Variants in PHF8 observed in about 807,000 individuals in gnomAD.
The protein encoded by PHF8 is histone lysine demethylase PHF8.
Under a neutral mutation model 74.4 loss-of-function variants are expected in PHF8, and 9 were observed. That is an observed-to-expected ratio of 0.12 (90% confidence interval 0.07 to 0.21). PHF8 has a LOEUF of 0.21. Among genes scored for constraint, PHF8 ranks in the 10% least tolerant of loss-of-function variants. PHF8 has a pLI of 1.00. For synonymous variants in PHF8, 311 were observed against 316.6 expected (o/e 0.98, Z 0.19); for missense variants, 478 against 816.6 (o/e 0.59, Z 5.05).
chrX:53,977,791 C>T (rs1336041151), intron 18 of PHF8, among the ~76,000 whole-genome samples: 3 of 108,002 alleles, frequency 2.8e-5, no homozygotes, highest in South Asian at 4.2e-4. Context: ...GGACTACAGG[C>T]GCCCGACACC....
rs782755270 is a variant in PHF8, at chrX:53,996,430, A to AT, written c.1234-649dup. On this transcript the variant is annotated intron_variant, in intron 11 of 21. Coordinates refer to ENST00000338154, the MANE Select transcript of PHF8 (RefSeq NM_015107.3). ...CACCCAGCCTATGATATTTTTTGTA[A>AT]TTTTTTTTTTTTTTTTAGCTCATCA... Among the ~76,000 whole-genome samples the AT allele has an allele frequency of 4.4e-3, 425 of 96,626 alleles. 2 individuals carry two copies. The highest frequency in any genetic ancestry group is 0.011 in the African/African-American group (294 of 26,779). 83.9% of individuals were successfully genotyped at this position (96,626 alleles called of 115,157 possible). A position where few individuals can be genotyped will look rare whatever the true frequency, so the allele number is the denominator to read the frequency against.
intron 4 of PHF8, 114 bp downstream of exon 4, chrX:54,022,145 C>G: frequency 1.8e-6 from 1 of 542,380 alleles, no homozygotes; most frequent in Non-Finnish European, 3.3e-6. Flanking sequence ...CCTGAAGATA[C>G]TCACAAACTG....
chrX:53,977,539 A>C (rs1221301213), intron 18 of PHF8, among the ~76,000 whole-genome samples: 1 of 111,668 alleles, frequency 9.0e-6, no homozygotes, highest in African/African-American at 3.3e-5. Context: ...AGGATGATTA[A>C]AATAACTATA....
At chrX:54,044,901 C>G, upstream of PHF8, 1 of 1,154,119 alleles carries the variant, frequency 8.7e-7, no homozygotes, top group South Asian at 1.9e-5. Flanking sequence ...TGAGCACCTT[C>G]GATAGGCTGG....
chrX:53,945,366 C>T (rs2064818321), intron 19 of PHF8, among the ~76,000 whole-genome samples: 1 of 105,538 alleles, frequency 9.5e-6, no homozygotes, highest in African/African-American at 3.4e-5. Context: ...AAAAATTATC[C>T]GGCCATGGTG....
At chrX:54,024,943 C>G (rs1318887084) in intron 2 of PHF8, among the ~76,000 whole-genome samples, 1 of 111,106 alleles carries the variant, frequency 9.0e-6, no homozygotes, top group Non-Finnish European at 1.9e-5. Flanking sequence ...GTGGCACGAT[C>G]TTGGCTCACT....
rs2065803281 is a variant in PHF8, at chrX:53,999,930, G to A, written c.1173C>T (p.Ser391=). The A allele has an allele frequency of 3.3e-6, 4 of 1,202,183 alleles. No homozygotes were observed. The East Asian group carries it at 1.2e-4, about 36-fold the overall frequency. The change falls in exon 11 of 22, where the codon TCC becomes TCT. Residue 391 remains serine (S), a synonymous_variant. Coordinates refer to ENST00000338154, the MANE Select transcript of PHF8 (RefSeq NM_015107.3). ...GLRENRRHPA[S]YLVHGGKALN... ...AGGCTTTGCCACCATGGACCAGGTA[G>A]GAGGCAGGGTGTCTCCTGTTCTCTC... is the stretch of plus-strand genomic sequence containing the variant.
rs781994172 is a variant in PHF8, at chrX:53,939,109, T to C, written c.*49A>G. On this transcript the variant is annotated 3_prime_UTR_variant, in exon 22 of 22. Transcript: ENST00000338154. ...CCAGGAGTGCCCCAAGAGTTGACAA[T>C]GGAGAAGGCAATGGGGGTAAAGGGG... The C allele has an allele frequency of 1.3e-5, 15 of 1,199,787 alleles. No homozygotes were observed. The highest frequency in any genetic ancestry group is 1.8e-5 in the African/African-American group (1 of 57,067).
Position 53,938,961 on chromosome X carries a change from C to G in PHF8, c.*197G>C. ...CCTGCTCCTCAGTGGAGAAGGCAGG[C>G]AGGATGCTCTAGTGAAAGTGGGGAA... On this transcript the variant is annotated 3_prime_UTR_variant, in exon 22 of 22. Coordinates refer to ENST00000338154, the MANE Select transcript of PHF8 (RefSeq NM_015107.3). 1.0e-6 allele frequency: 1 copy of G among 1,002,420 alleles called. No individual in the cohort carries two copies. The highest frequency in any genetic ancestry group is 1.3e-6 in the Non-Finnish European group (1 of 793,249). The allele number at this position is 1,002,420 out of a possible 1,213,427, so 82.6% of individuals were successfully genotyped here.
chrX:53,948,496 C>T (rs1258334278), intron 19 of PHF8, among the ~76,000 whole-genome samples: 3 of 110,370 alleles, frequency 2.7e-5, no homozygotes, highest in African/African-American at 9.9e-5. Flanking sequence ...TGGTCTTAAA[C>T]TCCTGACCTC....
At chrX:53,943,946 T>C (rs2064792399) in intron 20 of PHF8, among the ~76,000 whole-genome samples, 188 bp downstream of exon 20, 1 of 112,151 alleles carries the variant, frequency 8.9e-6, no homozygotes, top group Non-Finnish European at 1.9e-5. Context: ...CCTGTGGAAG[T>C]AGCTTATCAT....
chrX:53,969,444 C>CA (rs1390345670), intron 18 of PHF8, among the ~76,000 whole-genome samples: 1 of 110,594 alleles, frequency 9.0e-6, no homozygotes, highest in Non-Finnish European at 1.9e-5. Context: ...AGGAAAACTA[C>CA]AAAACACTGA....
At chrX:53,978,289 C>A (rs1557096848) in intron 18 of PHF8, among the ~76,000 whole-genome samples, 1 of 110,628 alleles carries the variant, frequency 9.0e-6, no homozygotes, top group Admixed American at 9.7e-5. Flanking sequence ...CCATACCGCC[C>A]AGGAATCCCA....
intron 19 of PHF8, among the ~76,000 whole-genome samples, chrX:53,946,655 A>C (rs138285527): frequency 8.9e-6 from 1 of 112,436 alleles, no homozygotes; most frequent in East Asian, 2.8e-4. Flanking sequence ...AAGGCATTCA[A>C]ATGCCACATG....
rs1320811010 is a variant in PHF8 at position 53,936,915 on chromosome X, GCTTT to G, written c.*2239_*2242del. The stretch of plus-strand genomic sequence containing the variant: ...CGGTGGGCTTGTTTTTAAATTGTTT[GCTTT>G]TTTTGTAAAAATATATTAAAGGTGA... On this transcript the variant is annotated 3_prime_UTR_variant, in exon 22 of 22. Transcript: ENST00000338154. 9.0e-6 allele frequency: 1 copy of G among 110,577 alleles called. No homozygotes were observed. Among genetic ancestry groups the G allele is most frequent in the East Asian group, 2.9e-4 (1 of 3,503 alleles). The allele number at this position is 110,577 out of a possible 1,213,427, so 9.1% of individuals were successfully genotyped here. A position where few individuals can be genotyped will look rare whatever the true frequency, so the allele number is the denominator to read the frequency against.
At position 53,995,685 on chromosome X, in the gene PHF8, C is replaced by G; in HGVS notation, c.1323+8G>C. 1 of 1,150,304 alleles carries G rather than the reference C, an allele frequency of 8.7e-7. No homozygotes were observed. Among genetic ancestry groups the G allele is most frequent in the South Asian group, 1.8e-5 (1 of 55,416 alleles). The allele number at this position is 1,150,304 out of a possible 1,213,427, so 94.8% of individuals were successfully genotyped here. A position where few individuals can be genotyped will look rare whatever the true frequency, so the allele number is the denominator to read the frequency against. On this transcript the variant is annotated splice_region_variant and intron_variant, in intron 12 of 21. Coordinates refer to ENST00000338154, the MANE Select transcript of PHF8 (RefSeq NM_015107.3). ...AATGCCTTTTCTTCCCTGCCCCATG[C>G]TCCTTACTTCCACCAGGCGGATCTC...
intron 19 of PHF8, among the ~76,000 whole-genome samples, chrX:53,960,745 TAAAAAAAATTTA>T (rs1413511636): frequency 4.6e-5 from 5 of 108,273 alleles, no homozygotes; most frequent in Admixed American, 2.0e-4. Flanking sequence ...AGACTCCATT[TAAAAAAAATTTA>T]AAAAAAAATT....
At chrX:54,007,113 T>C (rs2065908500) in intron 8 of PHF8, among the ~76,000 whole-genome samples, 1 of 111,608 alleles carries the variant, frequency 9.0e-6, no homozygotes, top group Non-Finnish European at 1.9e-5. Flanking sequence ...TAAACCCTTA[T>C]CTTTGGTCAA....
intron 2 of PHF8, among the ~76,000 whole-genome samples, chrX:54,041,723 T>C (rs920204986): frequency 8.9e-6 from 1 of 112,756 alleles, no homozygotes; most frequent in Admixed American, 9.4e-5. Flanking sequence ...TCAATTTAGT[T>C]GGATGGTGCT....
Sources: gnomAD v4.1 joint callset for allele counts (sites outside exome capture counted in the v4.1 genomes callset) on GRCh38, gnomAD v4.1.1 for gene constraint, MANE v1.5 for transcripts, NCBI Gene and HGNC (gene_info 2026-07-23, HGNC 2026-07-21) for gene names.